CCSER1: variants seen among roughly 807,000 people sequenced by gnomAD.
The protein encoded by CCSER1 is coiled-coil serine rich protein 1.
CCSER1 carries 41 observed loss-of-function variants against 82.0 expected under a neutral mutation model. The ratio of observed to expected loss-of-function variants is 0.50; its 90% CI spans 0.39 to 0.65. The LOEUF is 0.65. Among genes scored for constraint, CCSER1 ranks in the 30% least tolerant of loss-of-function variants. The pLI, the probability that CCSER1 is intolerant of heterozygous loss-of-function variation, is 0.00. For missense variants in CCSER1, 1,119 were observed against 1,064.2 expected (o/e 1.05, Z -0.72); for synonymous variants, 414 against 383.9 (o/e 1.08, Z -0.92).
intron 1 of CCSER1, among the ~76,000 whole-genome samples, chr4:90,246,438 A>G (rs550808093): frequency 3.3e-5 from 5 of 152,268 alleles, no homozygotes; most frequent in South Asian, 2.1e-4. Context: ...TTTTTAGGAG[A>G]TACAAATAAA....
intron 9 of CCSER1, among the ~76,000 whole-genome samples, chr4:90,981,316 G>A (rs1736096355): frequency 6.6e-6 from 1 of 151,716 alleles, no homozygotes; most frequent in Admixed American, 6.6e-5. Flanking sequence ...CTCAGGATCT[G>A]CTTCTAAGGA....
intron 1 of CCSER1, among the ~76,000 whole-genome samples, chr4:90,182,753 C>T (rs988349954): frequency 1.2e-4 from 18 of 152,084 alleles, no homozygotes; most frequent in African/African-American, 4.1e-4. Context: ...GTAAATATTA[C>T]ACCTAACACT....
At chr4:90,152,868 G>GTT (rs1269453879) in intron 1 of CCSER1, among the ~76,000 whole-genome samples, 26 of 143,760 alleles carry the variant, frequency 1.8e-4, no homozygotes, top group Non-Finnish European at 6.2e-5. Context: ...TCAGTGCTAG[G>GTT]TTTTTTTTTT....
chr4:90,149,536 A>G (rs1366724477), intron 1 of CCSER1, among the ~76,000 whole-genome samples: 2 of 152,188 alleles, frequency 1.3e-5, no homozygotes, highest in Non-Finnish European at 2.9e-5. Flanking sequence ...TCTCTAAGAC[A>G]ATCTCAACAT....
At chr4:90,743,212 AG>A (rs1315732438) in intron 7 of CCSER1, among the ~76,000 whole-genome samples, 1 of 152,236 alleles carries the variant, frequency 6.6e-6, no homozygotes, top group Non-Finnish European at 1.5e-5. Flanking sequence ...AATGTGTTTT[AG>A]CAGAAACTTA....
intron 1 of CCSER1, among the ~76,000 whole-genome samples, chr4:90,173,710 A>G (rs1732161863): frequency 6.6e-6 from 1 of 151,990 alleles, no homozygotes; most frequent in Non-Finnish European, 1.5e-5. Flanking sequence ...AATGCTAGGC[A>G]CAAGTTTAAG....
At chr4:90,585,918 T>C (rs911886352) in intron 5 of CCSER1, among the ~76,000 whole-genome samples, 2 of 152,238 alleles carry the variant, frequency 1.3e-5, no homozygotes, top group African/African-American at 4.8e-5. Context: ...TATCTCATAG[T>C]AACATCAAGA....
chr4:91,078,057 C>A (rs1223093970), intron 9 of CCSER1, among the ~76,000 whole-genome samples: 1 of 152,230 alleles, frequency 6.6e-6, no homozygotes, highest in Admixed American at 6.5e-5. Flanking sequence ...CTTCTGCAGA[C>A]TTAAATGTCC....
At chr4:90,849,841 G>T (rs1202350532) in intron 8 of CCSER1, among the ~76,000 whole-genome samples, 1 of 147,902 alleles carries the variant, frequency 6.8e-6, no homozygotes, top group African/African-American at 2.5e-5. Context: ...AGAAATTCAA[G>T]CCCTATGCAG....
At chr4:90,449,768 G>A (rs922896388) in intron 4 of CCSER1, among the ~76,000 whole-genome samples, 1 of 152,206 alleles carries the variant, frequency 6.6e-6, no homozygotes. Flanking sequence ...ACAGTGGGAA[G>A]GTCACTTCCA....
At chr4:90,336,902 T>C (rs1273803266) in intron 3 of CCSER1, among the ~76,000 whole-genome samples, 1 of 152,222 alleles carries the variant, frequency 6.6e-6, no homozygotes, top group East Asian at 1.9e-4. Context: ...TAATGGCTGA[T>C]GTTTATTAAT....
At chr4:90,251,504 C>T (rs966416127) in intron 1 of CCSER1, among the ~76,000 whole-genome samples, 2 of 151,630 alleles carry the variant, frequency 1.3e-5, no homozygotes, top group Admixed American at 6.6e-5. Context: ...GTTCTTTAGT[C>T]GATTGATATG....
At chr4:90,509,580 A>C (rs1188470941) in intron 5 of CCSER1, among the ~76,000 whole-genome samples, 1 of 152,126 alleles carries the variant, frequency 6.6e-6, no homozygotes, top group Non-Finnish European at 1.5e-5. Context: ...TGAAAGTGTA[A>C]ACCCTTGACT....
At position 90,308,465 on chromosome 4, in the gene CCSER1, A is replaced by G; in HGVS notation, c.181A>G (p.Ser61Gly). 1 of 1,613,862 alleles carries G rather than the reference A, an allele frequency of 6.2e-7. No individual in the cohort carries two copies. Among genetic ancestry groups the G allele is most frequent in the Non-Finnish European group, 8.5e-7 (1 of 1,179,836 alleles). The change falls in exon 2 of 11, where the codon AGC becomes GGC. Residue 61 changes from serine (S) to glycine (G), a missense_variant. Transcript: ENST00000509176. ...CTCAGGTAGCACAGGTAAACGGAGG[A>G]GCATATTCCGTACTCCTTCCATTAG... ...SSSGSTGKRRSIFRTPSISFH... is the reference protein window; with the variant it reads ...SSSGSTGKRRGIFRTPSISFH...
At chr4:91,087,035 T>A (rs1288365754) in intron 10 of CCSER1, among the ~76,000 whole-genome samples, 1 of 152,028 alleles carries the variant, frequency 6.6e-6, no homozygotes, top group Non-Finnish European at 1.5e-5. Flanking sequence ...TCAGTATGAC[T>A]GGGGAAAAAA....
intron 5 of CCSER1, among the ~76,000 whole-genome samples, chr4:90,561,674 CCT>C (rs774532657): frequency 1.3e-5 from 2 of 152,134 alleles, no homozygotes; most frequent in Non-Finnish European, 2.9e-5. Flanking sequence ...TCTGGGCTTC[CCT>C]GTTATATGCA....
chr4:90,953,503 A>AT (rs1358076977), intron 9 of CCSER1, among the ~76,000 whole-genome samples: 17 of 151,758 alleles, frequency 1.1e-4, no homozygotes, highest in African/African-American at 4.1e-4. Context: ...TATTTTAGAT[A>AT]TACAATTATT....
At chr4:90,459,646 T>TTG (rs1762628385) in intron 4 of CCSER1, among the ~76,000 whole-genome samples, 1 of 152,184 alleles carries the variant, frequency 6.6e-6, no homozygotes, top group African/African-American at 2.4e-5. Context: ...TCTGCCTGTG[T>TTG]TGTAATCTCT....
intron 10 of CCSER1, among the ~76,000 whole-genome samples, chr4:91,345,339 A>T (rs1404677170): frequency 6.6e-6 from 1 of 152,126 alleles, no homozygotes; most frequent in Non-Finnish European, 1.5e-5. Context: ...GTGAGTCAAG[A>T]TCCTGCCACT....
Sources: allele counts gnomAD v4.1 joint callset (sites outside exome capture counted in the v4.1 genomes callset), GRCh38; gene constraint gnomAD v4.1.1; transcripts MANE v1.5; gene names NCBI Gene and HGNC (gene_info 2026-07-23, HGNC 2026-07-21).